The following LAMA2 variants were observed in gnomAD, a reference collection of about 807,000 sequenced individuals.
LAMA2 encodes laminin subunit alpha-2.
Under a neutral mutation model 364.8 loss-of-function variants are expected in LAMA2, and 269 were observed. The observed-to-expected ratio is 0.74, with a 90% CI of 0.67 to 0.82. The LOEUF (loss-of-function observed/expected upper bound fraction) is 0.82, where lower values mean the gene tolerates loss of function less well. Ranked by LOEUF, LAMA2 falls within the 40% of genes least tolerant of loss-of-function variation. The probability of loss-of-function intolerance (pLI) is 0.00; values close to 1 mark genes in which losing one functional copy is unlikely to be tolerated. For missense variants in LAMA2, 3,807 were observed against 3,873.2 expected (o/e 0.98, Z 0.45); for synonymous variants, 1,379 against 1,370.6 (o/e 1.01, Z -0.14).
At chr6:129,372,939 A>G (rs1778170149) in intron 34 of LAMA2, among the ~76,000 whole-genome samples, 1 of 152,144 alleles carries the variant, frequency 6.6e-6, no homozygotes, top group South Asian at 2.1e-4. Context: ...CCATCTGTAT[A>G]TCTTCTTTGG....
intron 1 of LAMA2, among the ~76,000 whole-genome samples, chr6:128,957,294 G>T (rs1008398430): frequency 6.6e-6 from 1 of 151,958 alleles, no homozygotes; most frequent in Non-Finnish European, 1.5e-5. Context: ...AATCTTACAG[G>T]TTTAATACTC....
At chr6:129,414,000 G>GAA (rs1780664869) in intron 40 of LAMA2, among the ~76,000 whole-genome samples, 1 of 151,124 alleles carries the variant, frequency 6.6e-6, no homozygotes, top group South Asian at 2.1e-4. Context: ...TAAGCAAAGA[G>GAA]AGACAACACA....
At chr6:129,186,915 G>C (rs1032641775) in intron 10 of LAMA2, among the ~76,000 whole-genome samples, 5 of 151,722 alleles carry the variant, frequency 3.3e-5, no homozygotes, top group African/African-American at 1.2e-4. Flanking sequence ...TATATTCCCT[G>C]TGATATCTCA....
At chr6:128,980,003 A>G (rs1582813592) in intron 1 of LAMA2, among the ~76,000 whole-genome samples, 1 of 152,226 alleles carries the variant, frequency 6.6e-6, no homozygotes, top group East Asian at 1.9e-4. Context: ...AATAATGAAC[A>G]ACCCCAAAAT....
chr6:129,288,092 T>C lies in LAMA2; in HGVS notation c.2749+34T>C, dbSNP rs9492296. 10,580 of 1,568,068 alleles carry C rather than the reference T, an allele frequency of 6.7e-3. 437 individuals carry two copies. In the African/African-American group the frequency reaches 0.11, roughly 16 times the overall value. On this transcript the variant is annotated intron_variant, in intron 19 of 64. Coordinates refer to ENST00000421865, the MANE Select transcript of LAMA2 (RefSeq NM_000426.4). ...TGAACTATTGATGCCCCTGACAGAA[T>C]TGATGTATTGTACCTCAAAGTAGCT...
At chr6:129,131,821 C>CT (rs772812413) in intron 4 of LAMA2, among the ~76,000 whole-genome samples, 11 of 152,176 alleles carry the variant, frequency 7.2e-5, no homozygotes, top group Admixed American at 1.3e-4. Flanking sequence ...TTTCTTAGAA[C>CT]TTTGATATTT....
At chr6:129,453,252 AT>A in intron 46 of LAMA2, 121 bp downstream of exon 46, 3 of 929,958 alleles carry the variant, frequency 3.2e-6, no homozygotes, top group Non-Finnish European at 5.1e-6. Flanking sequence ...AGGCTTTCAG[AT>A]TTGAAAACCT....
At chr6:129,127,192 G>A (rs948418769) in intron 4 of LAMA2, among the ~76,000 whole-genome samples, 14 of 152,164 alleles carry the variant, frequency 9.2e-5, no homozygotes, top group East Asian at 3.8e-4. Flanking sequence ...AAAATATAAA[G>A]TAAAGCCCAT....
Position 128,989,751 on chromosome 6 carries a change from G to GAT in LAMA2, c.113-60165_113-60164dup, listed in dbSNP as rs554358372. On this transcript the variant is annotated intron_variant, in intron 1 of 64. Coordinates refer to ENST00000421865, the MANE Select transcript of LAMA2 (RefSeq NM_000426.4). ...TGGGTTAGTTTATTTGAGCTGCTAT[G>GAT]ATAACATACCATAAACTGGATGGAT... Among the ~76,000 whole-genome samples, 592 of 152,316 alleles carry GAT rather than the reference G, an allele frequency of 3.9e-3. 4 individuals carry two copies. The highest frequency in any genetic ancestry group is 0.013 in the African/African-American group (557 of 41,570).
At chr6:129,136,667 CTTA>C (rs1453025666) in intron 4 of LAMA2, among the ~76,000 whole-genome samples, 4 of 151,856 alleles carry the variant, frequency 2.6e-5, no homozygotes, top group East Asian at 1.9e-4. Context: ...AACTGATTTT[CTTA>C]TTATGCTGAA....
intron 54 of LAMA2, 123 bp downstream of exon 54, chr6:129,478,936 T>G: frequency 1.2e-6 from 1 of 862,026 alleles, no homozygotes. Flanking sequence ...ATCCTACTCT[T>G]AAACGATAAA....
At chr6:129,021,225 AT>A (rs1261946099) in intron 1 of LAMA2, among the ~76,000 whole-genome samples, 1 of 152,180 alleles carries the variant, frequency 6.6e-6, no homozygotes, top group African/African-American at 2.4e-5. Context: ...ACAATATCTT[AT>A]GAACCGGGCA....
chr6:129,225,207 A>G (rs1021475070), intron 12 of LAMA2, among the ~76,000 whole-genome samples: 4 of 151,868 alleles, frequency 2.6e-5, no homozygotes, highest in East Asian at 3.9e-4. Context: ...TATTGCATCT[A>G]TTTGATTCTT....
At chr6:129,473,113 A>G in intron 51 of LAMA2, 101 bp from the exon 52 acceptor site, 1 of 829,052 alleles carries the variant, frequency 1.2e-6, no homozygotes, top group Non-Finnish European at 2.0e-6. Flanking sequence ...AGTCAATGTT[A>G]ATTCTCGAAT....
At position 129,492,419 on chromosome 6, in the gene LAMA2, T is replaced by C. The variant is rs1279611441; in HGVS notation, c.8180T>C (p.Ile2727Thr). 1.2e-6 allele frequency: 2 copies of C among 1,614,066 alleles called. No homozygotes were observed. The highest frequency in any genetic ancestry group is 1.1e-5 in the South Asian group (1 of 91,090). ...GAAGATGGAGCAGCTCCAGCTGAAA[T>C]AGTTATCCAGCCTGAGCCAGTTCCC... The part of the protein sequence containing the change: ...EDEDGAAPAE[I>T]VIQPEPVPTP... The change falls in exon 58 of 65, where the codon ATA (isoleucine) becomes ACA (threonine). Residue 2727 changes from isoleucine (I) to threonine (T), a missense_variant. Physicochemically the swap from Ile to Thr is moderately conservative, Grantham distance 89. This residue lies in a region of LAMA2 where 3,333 missense variants were observed against 3,345.7 expected (regional missense o/e 1.00). Transcript: ENST00000421865.
intron 9 of LAMA2, 82 bp from the exon 10 acceptor site, chr6:129,177,624 A>T: frequency 7.2e-7 from 1 of 1,392,998 alleles, no homozygotes; most frequent in Non-Finnish European, 1.0e-6. Context: ...ATAGCATTTT[A>T]AAGGTTACTG....
intron 40 of LAMA2, among the ~76,000 whole-genome samples, chr6:129,404,761 A>G (rs1192205378): frequency 6.6e-6 from 1 of 152,156 alleles, no homozygotes; most frequent in Non-Finnish European, 1.5e-5. Context: ...CTGATTGGAC[A>G]TTTGACTGTG....
In LAMA2 at chr6:129,148,956, G is replaced by T. The variant is rs538800872; in HGVS notation, c.910-23G>T. The T allele has an allele frequency of 2.0e-6, 3 of 1,522,112 alleles. No homozygotes were observed. The South Asian group carries it at 3.4e-5, about 17-fold the overall frequency. The allele number at this position is 1,522,112 out of a possible 1,614,324, so 94.3% of individuals were successfully genotyped here. A position where few individuals can be genotyped will look rare whatever the true frequency, so the allele number is the denominator to read the frequency against. ...GGTTCTAAATGAGGCTAAAATTTGTGCTTCCTCCCTCTTTTTGACTAGAAA... is the reference window on the plus strand; with the variant it reads ...GGTTCTAAATGAGGCTAAAATTTGTTCTTCCTCCCTCTTTTTGACTAGAAA... On this transcript the variant is annotated intron_variant, in intron 6 of 64. Coordinates refer to ENST00000421865, the MANE Select transcript of LAMA2 (RefSeq NM_000426.4).
At chr6:129,119,095 C>T (rs1326961553) in intron 4 of LAMA2, among the ~76,000 whole-genome samples, 1 of 152,196 alleles carries the variant, frequency 6.6e-6, no homozygotes, top group African/African-American at 2.4e-5. Flanking sequence ...CAGCAATTAA[C>T]ATTTGGCATA....
Sources: allele counts gnomAD v4.1 joint callset (sites outside exome capture counted in the v4.1 genomes callset), GRCh38; gene constraint gnomAD v4.1.1; regional missense constraint gnomAD v4.1.1; transcripts MANE v1.5; gene names NCBI Gene and HGNC (gene_info 2026-07-23, HGNC 2026-07-21).